ARMH3: variants seen among roughly 807,000 people sequenced by gnomAD.
The protein encoded by ARMH3 is armadillo like helical domain containing 3.
A neutral mutation model predicts 99.1 loss-of-function variants in ARMH3; 60 were observed. The observed-to-expected ratio is 0.61, with a 90% CI of 0.49 to 0.75. ARMH3 has a LOEUF of 0.75. Ranked by LOEUF, ARMH3 falls within the 30% of genes least tolerant of loss-of-function variation. ARMH3 has a pLI of 0.00. For missense variants in ARMH3, 679 were observed against 843.1 expected (o/e 0.81, Z 2.41); for synonymous variants, 285 against 292.8 (o/e 0.97, Z 0.27).
At chr10:102,020,021 G>C (rs1295740565) in intron 8 of ARMH3, among the ~76,000 whole-genome samples, 4 of 149,168 alleles carry the variant, frequency 2.7e-5, no homozygotes, top group African/African-American at 9.9e-5. Context: ...AGGAGTTTGA[G>C]ACCAGCCTGG....
chr10:101,911,747 A>T (rs948950296), intron 23 of ARMH3, among the ~76,000 whole-genome samples: 3 of 152,190 alleles, frequency 2.0e-5, no homozygotes, highest in Non-Finnish European at 4.4e-5. Flanking sequence ...AACATAAAAA[A>T]GACATGGGGC....
At chr10:101,937,369 A>G (rs1844027022) in intron 23 of ARMH3, among the ~76,000 whole-genome samples, 2 of 152,100 alleles carry the variant, frequency 1.3e-5, no homozygotes. Context: ...AAATACAAAA[A>G]TTAGCCAGGT....
At chr10:101,871,361 A>G (rs976478926) in intron 24 of ARMH3, among the ~76,000 whole-genome samples, 1 of 152,246 alleles carries the variant, frequency 6.6e-6, no homozygotes, top group African/African-American at 2.4e-5. Flanking sequence ...AAGGACCTAG[A>G]ATATTCAAAA....
At chr10:102,049,497 G>A (rs926412478) in intron 1 of ARMH3, among the ~76,000 whole-genome samples, 5 of 151,634 alleles carry the variant, frequency 3.3e-5, no homozygotes, top group African/African-American at 4.8e-5. Flanking sequence ...AGCCAAGATC[G>A]CGCCACTGCA....
At chr10:101,975,161 G>A (rs1344826189) in intron 20 of ARMH3, 51 bp downstream of exon 20, 11 of 1,521,274 alleles carry the variant, frequency 7.2e-6, no homozygotes, top group East Asian at 2.3e-5. Flanking sequence ...CAGGCCTAGG[G>A]GCTCAAAAAA....
At chr10:101,989,083 T>C (rs919246401) in intron 19 of ARMH3, among the ~76,000 whole-genome samples, 8 of 152,140 alleles carry the variant, frequency 5.3e-5, no homozygotes, top group Admixed American at 3.9e-4. Flanking sequence ...GGAGCAATTC[T>C]GATGTCACAC....
intron 24 of ARMH3, among the ~76,000 whole-genome samples, chr10:101,885,570 T>C (rs1434818697): frequency 6.6e-6 from 1 of 152,132 alleles, no homozygotes; most frequent in Non-Finnish European, 1.5e-5. Context: ...GTACCTAGAA[T>C]AGTCAAATTC....
At chr10:101,914,479 C>T (rs1433411483) in intron 23 of ARMH3, among the ~76,000 whole-genome samples, 1 of 138,580 alleles carries the variant, frequency 7.2e-6, no homozygotes, top group Non-Finnish European at 1.5e-5. Context: ...CAGAGCGAGA[C>T]TCTGTCTCAA....
chr10:101,967,390 A>G (rs1192881223), intron 20 of ARMH3, among the ~76,000 whole-genome samples: 2 of 152,212 alleles, frequency 1.3e-5, no homozygotes, highest in Non-Finnish European at 2.9e-5. Context: ...CTCACTGTCA[A>G]TCAGCAGAGT....
chr10:101,978,352 G>A (rs1229103079), intron 19 of ARMH3, among the ~76,000 whole-genome samples: 1 of 152,128 alleles, frequency 6.6e-6, no homozygotes, highest in Admixed American at 6.5e-5. Flanking sequence ...ATCACAGAGG[G>A]AAGTTAATAG....
intron 19 of ARMH3, among the ~76,000 whole-genome samples, chr10:101,975,802 G>A (rs946532473): frequency 2.0e-5 from 3 of 151,444 alleles, no homozygotes; most frequent in African/African-American, 7.3e-5. Flanking sequence ...AGATGTTGCA[G>A]TGAGTCGAGA....
intron 24 of ARMH3, among the ~76,000 whole-genome samples, chr10:101,887,356 T>C (rs2067572692): frequency 6.6e-6 from 1 of 152,028 alleles, no homozygotes; most frequent in Non-Finnish European, 1.5e-5. Context: ...CCACTTACCT[T>C]AGCACCACAA....
intron 19 of ARMH3, among the ~76,000 whole-genome samples, chr10:101,990,179 C>CTTT (rs762793068): frequency 3.0e-5 from 4 of 134,570 alleles, no homozygotes; most frequent in African/African-American, 5.4e-5. Flanking sequence ...CATGAACTTT[C>CTTT]TTTTTTTTTT....
At chr10:102,038,198 C>T (rs2067323785) in intron 2 of ARMH3, among the ~76,000 whole-genome samples, 2 of 150,724 alleles carry the variant, frequency 1.3e-5, no homozygotes, top group African/African-American at 4.9e-5. Context: ...TGGTTCATGC[C>T]ATTCTCCTAC....
chr10:101,983,245 A>C (rs1441377965), intron 19 of ARMH3, among the ~76,000 whole-genome samples: 1 of 152,166 alleles, frequency 6.6e-6, no homozygotes. Context: ...GAGGGGCTGA[A>C]GGTTAAGTTG....
intron 1 of ARMH3, among the ~76,000 whole-genome samples, chr10:102,053,635 G>A (rs1356028299): frequency 6.6e-6 from 1 of 151,886 alleles, no homozygotes; most frequent in African/African-American, 2.4e-5. Context: ...CCAAGCAATG[G>A]CAGTATTCCC....
At chr10:102,015,353 T>A (rs878863753) in intron 8 of ARMH3, among the ~76,000 whole-genome samples, 1 of 151,786 alleles carries the variant, frequency 6.6e-6, no homozygotes, top group Admixed American at 6.6e-5. Flanking sequence ...TTTTTGAAGG[T>A]TCTAGTCACC....
intron 23 of ARMH3, among the ~76,000 whole-genome samples, chr10:101,931,568 G>T (rs1055019547): frequency 2.7e-5 from 4 of 150,914 alleles, no homozygotes; most frequent in Non-Finnish European, 5.9e-5. Flanking sequence ...ATATCCACGT[G>T]CCCAAAAATG....
chr10:101,869,071 C>CA (rs760328201), intron 24 of ARMH3, among the ~76,000 whole-genome samples: 1,330 of 59,854 alleles, frequency 0.022, 2 homozygotes, highest in South Asian at 0.036. Context: ...GACTCTGTCT[C>CA]AAAAAAAAAA....
Sources: gnomAD v4.1 joint callset for allele counts (sites outside exome capture counted in the v4.1 genomes callset) on GRCh38, gnomAD v4.1.1 for gene constraint, MANE v1.5 for transcripts, NCBI Gene and HGNC (gene_info 2026-07-23, HGNC 2026-07-21) for gene names.